Variants in TBXAS1 observed in about 807,000 individuals in gnomAD.
TBXAS1 encodes the protein thromboxane A synthase 1.
In TBXAS1, 48 loss-of-function variants were observed where a neutral mutation model predicts 60.7. The ratio of observed to expected loss-of-function variants is 0.79; its 90% CI spans 0.63 to 1.01. The LOEUF (loss-of-function observed/expected upper bound fraction) is 1.01. Among genes scored for constraint, TBXAS1 ranks in the 50% least tolerant of loss-of-function variants. The pLI is 0.00. For synonymous variants in TBXAS1, 287 were observed against 269.7 expected (o/e 1.06, Z -0.63); for missense variants, 685 against 686.3 (o/e 1.00, Z 0.02).
chr7:139,907,393 A>G (rs944377183), intron 3 of TBXAS1, among the ~76,000 whole-genome samples: 1 of 152,148 alleles, frequency 6.6e-6, no homozygotes, highest in Non-Finnish European at 1.5e-5. Flanking sequence ...GTTTTGATAT[A>G]TAAGTCTTTT....
intron 9 of TBXAS1, among the ~76,000 whole-genome samples, chr7:139,990,466 G>A (rs1170087902): frequency 3.9e-5 from 6 of 152,132 alleles, no homozygotes; most frequent in Admixed American, 3.9e-4. Flanking sequence ...ACTTGGCCAC[G>A]CCCAGAGCCA....
At chr7:139,788,298 T>C (rs773273948) in intron 4 of TBXAS1, among the ~76,000 whole-genome samples, 1 of 152,256 alleles carries the variant, frequency 6.6e-6, no homozygotes. Flanking sequence ...CTTATTCTGC[T>C]ATATCTGCAT....
At chr7:139,814,386 A>G (rs1053207688) in intron 4 of TBXAS1, among the ~76,000 whole-genome samples, 2 of 152,184 alleles carry the variant, frequency 1.3e-5, no homozygotes, top group Non-Finnish European at 2.9e-5. Flanking sequence ...TTGGGATGAA[A>G]ACAGTGTCAG....
At chr7:139,926,293 C>T (rs1806871429) in intron 4 of TBXAS1, among the ~76,000 whole-genome samples, 1 of 152,098 alleles carries the variant, frequency 6.6e-6, no homozygotes, top group Admixed American at 6.5e-5. Flanking sequence ...CTTTTCTTTG[C>T]TGGGAGACTT....
chr7:139,990,300 C>T (rs184421392), intron 9 of TBXAS1, among the ~76,000 whole-genome samples: 8 of 152,334 alleles, frequency 5.3e-5, no homozygotes, highest in East Asian at 1.9e-4. Flanking sequence ...GACGTGAGGG[C>T]GCATTCGCCC....
chr7:139,960,408 G>C (rs1810234153), intron 8 of TBXAS1, among the ~76,000 whole-genome samples: 1 of 152,198 alleles, frequency 6.6e-6, no homozygotes, highest in Admixed American at 6.5e-5. Context: ...GTCAGGGGTT[G>C]AGGGTGGGGT....
chr7:139,851,210 G>T (rs2116648986), intron 1 of TBXAS1, among the ~76,000 whole-genome samples: 1 of 152,336 alleles, frequency 6.6e-6, no homozygotes, highest in East Asian at 1.9e-4. Flanking sequence ...TCACTTGACA[G>T]ACAAGCCAGA....
intron 5 of TBXAS1, among the ~76,000 whole-genome samples, chr7:139,944,286 T>C (rs991594503): frequency 7.2e-5 from 11 of 152,160 alleles, no homozygotes; most frequent in Non-Finnish European, 1.5e-4. Flanking sequence ...TCAAGGCATC[T>C]GGACAGAAAA....
intron 3 of TBXAS1, among the ~76,000 whole-genome samples, chr7:139,894,219 G>T (rs1215259643): frequency 6.6e-6 from 1 of 152,172 alleles, no homozygotes; most frequent in Non-Finnish European, 1.5e-5. Context: ...CCACACCATT[G>T]CTGCAGACCC....
chr7:139,782,878 C>T (rs1395194935), intron 3 of TBXAS1: 2 of 152,128 alleles, frequency 1.3e-5, no homozygotes, highest in Non-Finnish European at 2.9e-5. Context: ...TTTATTTCTT[C>T]TTCCTCTCCC....
intron 2 of TBXAS1, among the ~76,000 whole-genome samples, chr7:139,873,457 C>A (rs181127505): frequency 6.6e-6 from 1 of 152,050 alleles, no homozygotes; most frequent in African/African-American, 2.4e-5. Flanking sequence ...TCGGTCTGGT[C>A]GGTGATGAGA....
intron 1 of TBXAS1, chr7:139,780,735 CT>C (rs147632378): frequency 0.018 from 2,841 of 154,404 alleles, 49 homozygotes; most frequent in Non-Finnish European, 0.032. Context: ...CTCATCTTTC[CT>C]TAGGCTCACA....
chr7:140,011,276 CA>C (rs796088893), intron 10 of TBXAS1, among the ~76,000 whole-genome samples: 1 of 32,206 alleles, frequency 3.1e-5, no homozygotes, highest in East Asian at 1.1e-3. Context: ...GACTCTGTCT[CA>C]AAAAAAACAA....
intron 3 of TBXAS1, among the ~76,000 whole-genome samples, chr7:139,893,299 A>T (rs1039574152): frequency 6.7e-6 from 1 of 149,086 alleles, no homozygotes; most frequent in Non-Finnish European, 1.5e-5. Flanking sequence ...TCACAAATAT[A>T]TGTCCTGCAC....
chr7:139,940,092 TGTAC>T (rs1216398284), intron 5 of TBXAS1, among the ~76,000 whole-genome samples: 3 of 152,194 alleles, frequency 2.0e-5, no homozygotes, highest in African/African-American at 7.2e-5. Flanking sequence ...GATTTTGAAC[TGTAC>T]GTTAGCAAGC....
At chr7:139,943,678 A>G (rs959456201) in intron 5 of TBXAS1, among the ~76,000 whole-genome samples, 1 of 152,224 alleles carries the variant, frequency 6.6e-6, no homozygotes, top group Non-Finnish European at 1.5e-5. Context: ...ACACTTGATT[A>G]TTCACCTAGA....
rs536347717 is a variant in TBXAS1, at chr7:140,015,565, G to A, written c.1227-158G>A. ...GTAGGGGCTTGGTCACCCTGGGAAG[G>A]GGGCTGAGCAGGGGGTCCTCTGTCC... On this transcript the variant is annotated intron_variant, in intron 10 of 12. Transcript: ENST00000448866. Among the ~76,000 whole-genome samples, 154 of 152,240 alleles carry A rather than the reference G, an allele frequency of 1.0e-3. 1 individual carries two copies. Among genetic ancestry groups the A allele is most frequent in the African/African-American group, 2.8e-3 (118 of 41,512 alleles).
intron 4 of TBXAS1, among the ~76,000 whole-genome samples, chr7:139,820,464 A>G (rs1798267363): frequency 1.3e-5 from 2 of 152,180 alleles, no homozygotes; most frequent in Admixed American, 6.5e-5. Context: ...GAATGGTGGC[A>G]TTGCTTCAAC....
chr7:139,986,722 C>CATATATAT (rs1430609067), intron 9 of TBXAS1, among the ~76,000 whole-genome samples: 48 of 65,590 alleles, frequency 7.3e-4, no homozygotes, highest in Admixed American at 2.8e-3. Context: ...AGTATTCCAT[C>CATATATAT]ATATATATAT....
Sources: allele counts gnomAD v4.1 joint callset (sites outside exome capture counted in the v4.1 genomes callset), GRCh38; gene constraint gnomAD v4.1.1; transcripts MANE v1.5; gene names NCBI Gene and HGNC (gene_info 2026-07-23, HGNC 2026-07-21).